RUNX1T1: variants seen among roughly 807,000 people sequenced by gnomAD.
The protein encoded by RUNX1T1 is RUNX1 partner transcriptional co-repressor 1.
In RUNX1T1, 4 loss-of-function variants were observed where a neutral mutation model predicts 62.8. The ratio of observed to expected loss-of-function variants is 0.06; its 90% CI spans 0.03 to 0.15. The LOEUF (loss-of-function observed/expected upper bound fraction) is 0.15, where lower values mean the gene tolerates loss of function less well. Ranked by LOEUF, RUNX1T1 falls within the 10% of genes least tolerant of loss-of-function variation. The pLI, the probability that RUNX1T1 is intolerant of heterozygous loss-of-function variation, is 1.00. For synonymous variants in RUNX1T1, 291 were observed against 286.0 expected (o/e 1.02, Z -0.18); for missense variants, 508 against 754.3 (o/e 0.67, Z 3.82).
upstream of RUNX1T1, among the ~76,000 whole-genome samples, chr8:92,065,943 T>G (rs940666592): frequency 6.6e-5 from 10 of 152,196 alleles, no homozygotes; most frequent in African/African-American, 2.4e-4. Flanking sequence ...CCAAATACTT[T>G]CCTACCCCAT....
chr8:92,101,650 G>C (rs1457114716), upstream of RUNX1T1, among the ~76,000 whole-genome samples: 2 of 152,148 alleles, frequency 1.3e-5, no homozygotes, highest in Non-Finnish European at 2.9e-5. Context: ...GAGAGGGGGA[G>C]GGAAGGCGGC....
downstream of RUNX1T1, chr8:91,957,722 C>T (rs892505334): frequency 4.4e-6 from 1 of 225,658 alleles, no homozygotes; most frequent in Non-Finnish European, 8.8e-6. Flanking sequence ...TAAGAAAGGA[C>T]TGTCCAGTGT....
intron 8 of RUNX1T1, 23 bp from the exon 10 acceptor site, chr8:91,975,996 G>T (rs1390322583): frequency 1.3e-6 from 2 of 1,569,844 alleles, no homozygotes; most frequent in Non-Finnish European, 8.8e-7. Context: ...TGGGAAGGGG[G>T]TGGAGAGAGG....
chr8:91,991,570 T>C, intron 6 of RUNX1T1, 69 bp downstream of exon 7: 2 of 1,495,380 alleles, frequency 1.3e-6, no homozygotes, highest in South Asian at 2.5e-5. Context: ...TCAAGTTAAG[T>C]TCAGAAATAA....
At chr8:91,998,591 G>A (rs1238027948) in intron 5 of RUNX1T1, among the ~76,000 whole-genome samples, 5 of 152,212 alleles carry the variant, frequency 3.3e-5, no homozygotes, top group Admixed American at 2.6e-4. Flanking sequence ...GGAGCCATCT[G>A]AGCCTTCCCT....
At chr8:92,045,434 T>C (rs923947325) in intron 1 of RUNX1T1, among the ~76,000 whole-genome samples, 1 of 152,172 alleles carries the variant, frequency 6.6e-6, no homozygotes, top group Non-Finnish European at 1.5e-5. Context: ...ATTCAACCTA[T>C]CAGTGAGATT....
At position 91,992,506 on chromosome 8, in the gene RUNX1T1, G is replaced by T. The variant is rs141196828; in HGVS notation, c.660-617C>A. Among the ~76,000 whole-genome samples the T allele has an allele frequency of 3.6e-4, 55 of 152,282 alleles. 1 individual carries two copies. The highest frequency in any genetic ancestry group is 1.3e-3 in the African/African-American group (54 of 41,552). Reference sequence around the variant, plus strand: ...CGCTTGGCCAGTGGCTTCAGTAGTGGACTGCACAGATACATAACATTTCCA... The same window carrying T: ...CGCTTGGCCAGTGGCTTCAGTAGTGTACTGCACAGATACATAACATTTCCA... On this transcript the variant is annotated intron_variant, in intron 5 of 10. Coordinates refer to ENST00000396218, the Ensembl canonical transcript of RUNX1T1.
In RUNX1T1 at chr8:92,016,590, G is replaced by A. The variant is rs529811754; in HGVS notation, c.145+636C>T. Among the ~76,000 whole-genome samples the A allele has an allele frequency of 3.9e-5, 6 of 152,156 alleles. No individual in the cohort carries two copies. The South Asian group carries it at 6.2e-4, about 16-fold the overall frequency. ...CTCAGGAGGCTGAGGCAGGAGAATC[G>A]CTTGAACTTGGGAGGCAGAGGTTGC... On this transcript the variant is annotated intron_variant, in intron 2 of 10. Transcript: ENST00000396218.
intron 8 of RUNX1T1, among the ~76,000 whole-genome samples, chr8:91,984,428 G>C (rs1816107457): frequency 6.6e-6 from 1 of 152,126 alleles, no homozygotes; most frequent in African/African-American, 2.4e-5. Context: ...ACTGAATTGA[G>C]GTAGCTATCC....
At chr8:92,097,226 A>G (rs879440044) in intron 1 of RUNX1T1, among the ~76,000 whole-genome samples, 18 of 152,348 alleles carry the variant, frequency 1.2e-4, no homozygotes, top group Admixed American at 1.2e-3. Context: ...ATCTTCAAAA[A>G]GTGACCAGGT....
intron 6 of RUNX1T1, among the ~76,000 whole-genome samples, chr8:91,991,061 T>C (rs1817574377): frequency 6.6e-6 from 1 of 152,196 alleles, no homozygotes; most frequent in Non-Finnish European, 1.5e-5. Context: ...TTCTGATCCT[T>C]GACCCAAAAC....
Position 92,085,642 on chromosome 8 carries a change from T to C in RUNX1T1, c.-85-9505A>G, listed in dbSNP as rs537573658. On this transcript the variant is annotated intron_variant, in intron 1 of 11. Transcript: ENST00000265814. ...AGAACAAAACCACAAACTCCAAATATGGTTAAAGTTCAAAAAATAAAAAGA... is the reference window on the plus strand; with the variant it reads ...AGAACAAAACCACAAACTCCAAATACGGTTAAAGTTCAAAAAATAAAAAGA... Among the ~76,000 whole-genome samples the C allele has an allele frequency of 2.0e-5, 3 of 152,298 alleles. No homozygotes were observed. The East Asian group carries it at 5.8e-4, about 29-fold the overall frequency.
intron 1 of RUNX1T1, among the ~76,000 whole-genome samples, chr8:92,054,796 C>T (rs1228986861): frequency 6.6e-6 from 1 of 152,062 alleles, no homozygotes; most frequent in Non-Finnish European, 1.5e-5. Flanking sequence ...GAGACTGAGA[C>T]CATCCTGGCC....
At chr8:91,986,176 G>T (rs1224963461) in exon 8 of RUNX1T1, 3 of 1,614,046 alleles carry the variant, frequency 1.9e-6, no homozygotes, top group Non-Finnish European at 2.5e-6. Flanking sequence ...AGTGGCTGCT[G>T]CTACTGCCGC....
At chr8:91,988,288 C>T (rs1430157084) in intron 6 of RUNX1T1, among the ~76,000 whole-genome samples, 2 of 151,996 alleles carry the variant, frequency 1.3e-5, no homozygotes, top group Non-Finnish European at 2.9e-5. Flanking sequence ...ATGCTTTGTA[C>T]CATTCCTGTC....
intron 1 of RUNX1T1, among the ~76,000 whole-genome samples, chr8:92,089,925 TAAAAAAAAAAAA>T (rs36052605): frequency 1.2e-5 from 1 of 80,162 alleles, no homozygotes; most frequent in African/African-American, 4.7e-5. Flanking sequence ...TCCCTGAATT[TAAAAAAAAAAAA>T]AAAAAAAAAA....
chr8:92,094,965 T>C, intron 1 of RUNX1T1: 2 of 1,255,298 alleles, frequency 1.6e-6, no homozygotes, highest in South Asian at 2.6e-5. Flanking sequence ...TCGAGTCTCT[T>C]TAAACCTATT....
intron 5 of RUNX1T1, among the ~76,000 whole-genome samples, chr8:92,002,465 A>C (rs957116506): frequency 2.0e-5 from 3 of 152,200 alleles, no homozygotes; most frequent in Non-Finnish European, 2.9e-5. Context: ...AAGAAAGTTA[A>C]ATTTGCCAAA....
chr8:92,064,914 G>A (rs1281130103), upstream of RUNX1T1, among the ~76,000 whole-genome samples: 1 of 152,104 alleles, frequency 6.6e-6, no homozygotes, highest in Admixed American at 6.5e-5. Context: ...TACAGTAATT[G>A]CCACTTTAAA....
Sources: gnomAD v4.1 joint callset for allele counts (sites outside exome capture counted in the v4.1 genomes callset) on GRCh38, gnomAD v4.1.1 for gene constraint, MANE v1.5 for transcripts, NCBI Gene and HGNC (gene_info 2026-07-23, HGNC 2026-07-21) for gene names.